Variants in ATAD2B observed in about 807,000 individuals in gnomAD.
The protein encoded by ATAD2B is ATPase family AAA domain containing 2B.
In ATAD2B, 40 loss-of-function variants were observed where a neutral mutation model predicts 167.6. That is an observed-to-expected ratio of 0.24 (90% CI 0.19 to 0.31). The LOEUF (loss-of-function observed/expected upper bound fraction) is 0.31. ATAD2B is among the 10% of genes least tolerant of loss of function. The pLI is 1.00. For synonymous variants in ATAD2B, 579 were observed against 596.5 expected (o/e 0.97, Z 0.43); for missense variants, 1,242 against 1,757.2 (o/e 0.71, Z 5.24).
intron 17 of ATAD2B, among the ~76,000 whole-genome samples, chr2:23,817,186 G>C (rs1686576943): frequency 6.6e-6 from 1 of 152,148 alleles, no homozygotes; most frequent in Non-Finnish European, 1.5e-5. Context: ...CAATTCCCTA[G>C]CTACTTATTA....
chr2:23,865,201 T>C (rs1023697344), intron 10 of ATAD2B, among the ~76,000 whole-genome samples: 2 of 152,104 alleles, frequency 1.3e-5, no homozygotes, highest in African/African-American at 4.8e-5. Context: ...GAGATTTTTA[T>C]ATTATACTAA....
intron 8 of ATAD2B, among the ~76,000 whole-genome samples, chr2:23,871,687 C>G (rs1433072826): frequency 6.6e-6 from 1 of 152,120 alleles, no homozygotes; most frequent in African/African-American, 2.4e-5. Flanking sequence ...GCACAAATAG[C>G]CTTCAAAGAT....
chr2:23,823,507 G>A lies in ATAD2B; in HGVS notation c.1882C>T (p.Arg628Cys), dbSNP rs1687784666. ...CTGCTAGCATAGATCTGGGGATAACGCCTCCGCAGTGCAATCAGGGCGGCT... is the reference window on the plus strand; with the variant it reads ...CTGCTAGCATAGATCTGGGGATAACACCTCCGCAGTGCAATCAGGGCGGCT... ...TEAALIALRRRYPQIYASSHK... is the reference protein window; with the variant it reads ...TEAALIALRRCYPQIYASSHK... The change falls in exon 16 of 28, where the codon CGT becomes TGT. Residue 628 changes from arginine (R) to cysteine (C), a missense_variant. Coordinates refer to ENST00000238789, the MANE Select transcript of ATAD2B (RefSeq NM_017552.4). 4 of 1,613,586 alleles carry A rather than the reference G, an allele frequency of 2.5e-6. No homozygotes were observed. The highest frequency in any genetic ancestry group is 1.7e-5 in the Admixed American group (1 of 59,998).
chr2:23,739,704 G>C, the ATAD2B span, among the ~76,000 whole-genome samples: 4 of 152,270 alleles, frequency 2.6e-5, no homozygotes, highest in African/African-American at 9.6e-5. Context: ...TAAGATCAGA[G>C]CATAACTGAA....
chr2:23,780,626 G>A (rs113849717), intron 22 of ATAD2B, among the ~76,000 whole-genome samples: 9 of 152,152 alleles, frequency 5.9e-5, no homozygotes, highest in African/African-American at 1.7e-4. Context: ...CAGGCCAGGC[G>A]CGGTGGCTCA....
At chr2:23,769,569 C>T (rs1017569968) in intron 22 of ATAD2B, among the ~76,000 whole-genome samples, 1 of 152,084 alleles carries the variant, frequency 6.6e-6, no homozygotes, top group African/African-American at 2.4e-5. Context: ...AACTTCTAGA[C>T]TGTTTTCCAA....
At chr2:23,806,442 C>T (rs1684401203) in intron 18 of ATAD2B, among the ~76,000 whole-genome samples, 1 of 152,236 alleles carries the variant, frequency 6.6e-6, no homozygotes, top group Admixed American at 6.5e-5. Flanking sequence ...TTTGTCTACT[C>T]TTGCACAGGC....
At chr2:23,741,116 G>C in the ATAD2B span, among the ~76,000 whole-genome samples, 1 of 151,884 alleles carries the variant, frequency 6.6e-6, no homozygotes, top group African/African-American at 2.4e-5. Context: ...TCGTGAAAAT[G>C]GCCATACTGC....
chr2:23,806,408 G>T (rs891299942), intron 18 of ATAD2B, among the ~76,000 whole-genome samples: 6 of 152,168 alleles, frequency 3.9e-5, no homozygotes, highest in Non-Finnish European at 8.8e-5. Flanking sequence ...GTCTAAGCAT[G>T]AATAGTCTCT....
In ATAD2B at chr2:23,770,257, A is replaced by G. The variant is rs201580168; in HGVS notation, c.3134-4629T>C. 2.6e-5 allele frequency among the ~76,000 whole-genome samples: 4 copies of G among 152,176 alleles called. No homozygotes were observed. In the East Asian group the frequency reaches 7.8e-4, roughly 30 times the overall value. On this transcript the variant is annotated intron_variant, in intron 22 of 27. Coordinates refer to ENST00000238789, the MANE Select transcript of ATAD2B (RefSeq NM_017552.4). ...CTTAAACCCAGGAGGCGGAGGTTGC[A>G]ATGAGCTGAGATCATGCCACTGCAC...
chr2:23,852,865 G>A (rs1692788093), intron 13 of ATAD2B, among the ~76,000 whole-genome samples: 1 of 151,264 alleles, frequency 6.6e-6, no homozygotes, highest in South Asian at 2.1e-4. Context: ...GTTGCAGTGA[G>A]CCGAGATCAC....
At position 23,874,790 on chromosome 2, in the gene ATAD2B, C is replaced by T. The variant is rs111266818; in HGVS notation, c.977+1039G>A. Among the ~76,000 whole-genome samples the T allele has an allele frequency of 6.8e-3, 1,029 of 152,228 alleles. 14 individuals are homozygous for T. Among genetic ancestry groups the T allele is most frequent in the African/African-American group, 0.022 (921 of 41,544 alleles). On this transcript the variant is annotated intron_variant, in intron 8 of 27. Transcript: ENST00000238789. ...GGATAATTAGGGCCGGGTGTGGTGG[C>T]TCACGACTGCAATGCCAGCACTTTG...
At chr2:23,874,026 A>C (rs1696407761) in intron 8 of ATAD2B, among the ~76,000 whole-genome samples, 1 of 152,052 alleles carries the variant, frequency 6.6e-6, no homozygotes, top group Admixed American at 6.6e-5. Context: ...GTATCTACTA[A>C]AAATACAAAA....
At chr2:23,891,449 G>A (rs934161813) in intron 2 of ATAD2B, among the ~76,000 whole-genome samples, 1 of 151,876 alleles carries the variant, frequency 6.6e-6, no homozygotes, top group Non-Finnish European at 1.5e-5. Flanking sequence ...GAAGGAAGGT[G>A]GGTTGGAGAT....
chr2:23,695,912 T>C, the ATAD2B span: 1 of 1,545,336 alleles, frequency 6.5e-7, no homozygotes, highest in Non-Finnish European at 8.7e-7. The surrounding 1 kb of genome is among the most constrained non-coding windows in gnomAD (Gnocchi z 7.6). Context: ...CCGACAGTCT[T>C]AGAGTGTGTC....
chr2:23,788,435 T>C, intron 20 of ATAD2B, 77 bp downstream of exon 20: 1 of 1,487,296 alleles, frequency 6.7e-7, no homozygotes. Flanking sequence ...AAGAAAGGGC[T>C]AAAATAAACT....
chr2:23,792,202 C>G (rs772188722), intron 19 of ATAD2B, among the ~76,000 whole-genome samples: 5 of 151,966 alleles, frequency 3.3e-5, no homozygotes, highest in African/African-American at 4.8e-5. Flanking sequence ...AGCGTGCCAC[C>G]ACGCCCAGCC....
At chr2:23,855,023 T>C (rs1425713587) in intron 13 of ATAD2B, among the ~76,000 whole-genome samples, 1 of 151,988 alleles carries the variant, frequency 6.6e-6, no homozygotes, top group Non-Finnish European at 1.5e-5. Context: ...GGCAAAACCC[T>C]GTCTCTACTA....
In ATAD2B at chr2:23,798,242, T is replaced by G; in HGVS notation, c.2536A>C (p.Thr846Pro). 1.2e-6 allele frequency: 2 copies of G among 1,612,178 alleles called. No individual in the cohort carries two copies. The highest frequency in any genetic ancestry group is 1.7e-6 in the Non-Finnish European group (2 of 1,178,644). The part of the protein sequence containing the change: ...IGDWWEAVSE[T>P]VRATFLTLLQ... ...AATGTCAGAAAAGTTGCTCTCACAG[T>G]TTCACTGACAGCTTCCCACCAATCC... The change falls in exon 19 of 28, where the codon ACT (threonine) becomes CCT (proline). Residue 846 changes from threonine (T) to proline (P), a missense_variant. Transcript: ENST00000238789.
Sources: allele counts gnomAD v4.1 joint callset (sites outside exome capture counted in the v4.1 genomes callset), GRCh38; gene constraint gnomAD v4.1.1; non-coding constraint Gnocchi (gnomAD v3.1); transcripts MANE v1.5; gene names NCBI Gene and HGNC (gene_info 2026-07-23, HGNC 2026-07-21).